The following MAGI2 variants were observed in gnomAD, a reference collection of about 807,000 sequenced individuals.
The protein encoded by MAGI2 is membrane-associated guanylate kinase, WW and PDZ domain-containing protein 2.
In MAGI2, 35 loss-of-function variants were observed where a neutral mutation model predicts 133.3. The ratio of observed to expected loss-of-function variants is 0.26; its 90% CI spans 0.20 to 0.35. The LOEUF is 0.35. Among genes scored for constraint, MAGI2 ranks in the 10% least tolerant of loss-of-function variants. The pLI is 1.00. For missense variants in MAGI2, 1,636 were observed against 1,863.4 expected (o/e 0.88, Z 2.25); for synonymous variants, 729 against 710.6 (o/e 1.03, Z -0.41).
intron 12 of MAGI2, among the ~76,000 whole-genome samples, chr7:78,189,211 GA>G (rs1827983657): frequency 6.6e-6 from 1 of 152,102 alleles, no homozygotes; most frequent in Non-Finnish European, 1.5e-5. Context: ...AATAATCAAA[GA>G]ACAACAAAAG....
chr7:79,038,430 C>CT (rs569712631), intron 1 of MAGI2, among the ~76,000 whole-genome samples: 1 of 151,910 alleles, frequency 6.6e-6, no homozygotes, highest in Non-Finnish European at 1.5e-5. Flanking sequence ...ATTTTGTACC[C>CT]TTTTTTATGG....
At chr7:79,149,105 T>C (rs1822944269) in intron 1 of MAGI2, among the ~76,000 whole-genome samples, 1 of 144,158 alleles carries the variant, frequency 6.9e-6, no homozygotes, top group African/African-American at 2.5e-5. Context: ...TGTAATATAA[T>C]ATATTATATT....
At chr7:79,393,089 T>C (rs990531394) in intron 1 of MAGI2, among the ~76,000 whole-genome samples, 3 of 152,184 alleles carry the variant, frequency 2.0e-5, no homozygotes, top group African/African-American at 7.2e-5. Context: ...ATTTGCAGTG[T>C]ATATTTGGTT....
intron 10 of MAGI2, among the ~76,000 whole-genome samples, chr7:78,250,806 C>T (rs567152052): frequency 6.6e-6 from 1 of 152,122 alleles, no homozygotes; most frequent in Non-Finnish European, 1.5e-5. Flanking sequence ...TTCTATCAGA[C>T]TTTTAAGGAA....
chr7:78,347,059 T>C (rs1790992589), intron 7 of MAGI2: 1 of 152,252 alleles, frequency 6.6e-6, no homozygotes. Flanking sequence ...GATCGGATTA[T>C]TTGCTCTAAA....
chr7:78,338,797 C>A (rs1790043678), intron 9 of MAGI2, among the ~76,000 whole-genome samples: 1 of 152,140 alleles, frequency 6.6e-6, no homozygotes, highest in African/African-American at 2.4e-5. Context: ...ACATTATCAT[C>A]CCTATAAAAG....
chr7:79,186,121 G>A (rs1250184667), intron 1 of MAGI2, among the ~76,000 whole-genome samples: 2 of 149,012 alleles, frequency 1.3e-5, no homozygotes, highest in Non-Finnish European at 3.0e-5. Flanking sequence ...CAACATAAAT[G>A]CATAGGATTA....
rs962619771 is a variant in MAGI2, at chr7:79,453,611, C to T, written c.-291G>A. 7.1e-5 allele frequency: 64 copies of T among 906,932 alleles called. No homozygotes were observed. Among genetic ancestry groups the T allele is most frequent in the Non-Finnish European group, 7.8e-5 (59 of 758,932 alleles). The allele number at this position is 906,932 out of a possible 1,614,324, so 56.2% of individuals were successfully genotyped here. On this transcript the variant is annotated 5_prime_UTR_variant, in exon 1 of 22. Transcript: ENST00000354212. ...GCAGAGGAAGCAGTGGTGGTGGCGTCGGCGGCGGCGGCGGCGGCAGCCGGA... is the reference window on the plus strand; with the variant it reads ...GCAGAGGAAGCAGTGGTGGTGGCGTTGGCGGCGGCGGCGGCGGCAGCCGGA...
At chr7:78,610,402 T>A (rs1246829668) in intron 3 of MAGI2, among the ~76,000 whole-genome samples, 1 of 152,090 alleles carries the variant, frequency 6.6e-6, no homozygotes, top group Non-Finnish European at 1.5e-5. Context: ...CTGGTAGAAC[T>A]CTTAAAGGGC....
In MAGI2 at chr7:79,005,114, C is replaced by T. The variant is rs1050461319; in HGVS notation, c.418+1976G>A. On this transcript the variant is annotated intron_variant, in intron 2 of 21. Transcript: ENST00000354212. ...AAAAAAAAAAAAAGATATACTGAGT[C>T]AAGATGGTGGATCATCCAGGTCAAT... is the stretch of plus-strand genomic sequence containing the variant. 7.3e-5 allele frequency among the ~76,000 whole-genome samples: 11 copies of T among 151,458 alleles called. No homozygotes were observed. In the East Asian group the frequency reaches 2.1e-3, roughly 29 times the overall value.
intron 3 of MAGI2, among the ~76,000 whole-genome samples, chr7:78,575,617 T>C (rs1193182973): frequency 1.3e-5 from 2 of 152,182 alleles, no homozygotes; most frequent in Non-Finnish European, 2.9e-5. Flanking sequence ...ATAAGTCACA[T>C]TGATCACACA....
Position 78,529,667 on chromosome 7 carries a change from G to GTTTTTTTTTT in MAGI2, c.539-8023_539-8022insAAAAAAAAAA, listed in dbSNP as rs1563128653. On this transcript the variant is annotated intron_variant, in intron 3 of 21. Transcript: ENST00000354212. ...TTTTCTTTTCCTTGCTAAAGGAGAT[G>GTTTTTTTTTT]GTTTTTTTTTTTTTTTTTTTTTTTT... Among the ~76,000 whole-genome samples the GTTTTTTTTTT allele has an allele frequency of 5.5e-4, 31 of 56,334 alleles. 2 individuals carry two copies. Among genetic ancestry groups the GTTTTTTTTTT allele is most frequent in the African/African-American group, 1.9e-3 (30 of 15,446 alleles). 37.0% of individuals were successfully genotyped at this position (56,334 alleles called of 152,430 possible).
At chr7:79,368,767 G>A (rs1842881778) in intron 1 of MAGI2, among the ~76,000 whole-genome samples, 1 of 144,608 alleles carries the variant, frequency 6.9e-6, no homozygotes, top group Non-Finnish European at 1.5e-5. Flanking sequence ...AGAATGGCGT[G>A]AACCCGGGAG....
At position 78,132,872 on chromosome 7, in the gene MAGI2, G is replaced by A. The variant is rs751702289; in HGVS notation, c.3203+17C>T. The A allele has an allele frequency of 5.6e-6, 9 of 1,613,852 alleles. No homozygotes were observed. The African/African-American group carries it at 1.2e-4, about 22-fold the overall frequency. On this transcript the variant is annotated intron_variant, in intron 18 of 21. Coordinates refer to ENST00000354212, the MANE Select transcript of MAGI2 (RefSeq NM_012301.4). Reference sequence around the variant, plus strand: ...CCTATCACCTCTCAGAATCACAAAAGTCAGAGGAAATTTTACCTATTTTCG... The same window carrying A: ...CCTATCACCTCTCAGAATCACAAAAATCAGAGGAAATTTTACCTATTTTCG...
intron 6 of MAGI2, among the ~76,000 whole-genome samples, chr7:78,436,974 T>C (rs147873325): frequency 4.6e-5 from 7 of 152,288 alleles, no homozygotes; most frequent in African/African-American, 1.7e-4. Context: ...ATGCCAGCAG[T>C]ACTCTCTAAG....
intron 2 of MAGI2, chr7:78,901,562 C>A (rs1307760977): frequency 6.6e-6 from 1 of 152,036 alleles, no homozygotes; most frequent in Non-Finnish European, 1.5e-5. Context: ...TTCAAGCAAG[C>A]ACTTTGGTTA....
chr7:79,290,946 T>TA (rs1359404174), intron 1 of MAGI2, among the ~76,000 whole-genome samples: 1 of 152,044 alleles, frequency 6.6e-6, no homozygotes, highest in African/African-American at 2.4e-5. Flanking sequence ...AGATAAAACA[T>TA]AAAAAATGAA....
rs146840340 is a variant in MAGI2, at chr7:78,935,817, T to C, written c.418+71273A>G. On this transcript the variant is annotated intron_variant, in intron 2 of 21. Transcript: ENST00000354212. ...ATATTGGTTGGTAGGAAGGAGACCA[T>C]TAGCTTTGAGTTTCTCTTGAGTGTG... is the stretch of plus-strand genomic sequence containing the variant. Among the ~76,000 whole-genome samples, 665 of 152,196 alleles carry C rather than the reference T, an allele frequency of 4.4e-3. 2 individuals are homozygous for C. Among genetic ancestry groups the C allele is most frequent in the Non-Finnish European group, 6.8e-3 (464 of 67,978 alleles).
chr7:78,473,686 AC>A (rs11289136), intron 6 of MAGI2, among the ~76,000 whole-genome samples: 111,796 of 151,908 alleles, frequency 0.74, 42,612 homozygotes, highest in East Asian at 0.95. Context: ...ACACAGACAC[AC>A]CTGACATACA....
Sources: allele counts gnomAD v4.1 joint callset (sites outside exome capture counted in the v4.1 genomes callset), GRCh38; gene constraint gnomAD v4.1.1; transcripts MANE v1.5; gene names NCBI Gene and HGNC (gene_info 2026-07-23, HGNC 2026-07-21).